Variants in LHFPL3 observed in about 807,000 individuals in gnomAD.
The protein encoded by LHFPL3 is LHFPL tetraspan subfamily member 3, also known as LHFPL tetraspan subfamily member 3 protein.
In LHFPL3, 5 loss-of-function variants were observed where a neutral mutation model predicts 19.3. That is an observed-to-expected ratio of 0.26 (90% CI 0.14 to 0.54). LHFPL3 has a LOEUF of 0.54. Ranked by LOEUF, LHFPL3 falls within the 20% of genes least tolerant of loss-of-function variation. LHFPL3 has a pLI of 0.94. For missense variants in LHFPL3, 249 were observed against 307.4 expected, an observed-to-expected ratio of 0.81 and a Z score of 1.42; for synonymous variants, 133 against 126.2, an observed-to-expected ratio of 1.05 and a Z score of -0.36.
chr7:104,563,356 C>G lies in LHFPL3; in HGVS notation c.446-173319C>G, dbSNP rs574623522. Reference sequence around the variant, plus strand: ...GAGACTCCGTGGGCGTAGGACCCTCCGAGCCAGGTGCGGGATATAATCTCG... The same window carrying G: ...GAGACTCCGTGGGCGTAGGACCCTCGGAGCCAGGTGCGGGATATAATCTCG... On this transcript the variant is annotated intron_variant, in intron 1 of 2. Coordinates refer to ENST00000424859, the MANE Select transcript of LHFPL3 (RefSeq NM_199000.3). 4.0e-3 allele frequency among the ~76,000 whole-genome samples: 608 copies of G among 151,538 alleles called. No individual in the cohort carries two copies. In the East Asian group the frequency reaches 0.044, roughly 11 times the overall value.
At chr7:104,419,840 G>T (rs1453398107) in intron 1 of LHFPL3, among the ~76,000 whole-genome samples, 1 of 152,154 alleles carries the variant, frequency 6.6e-6, no homozygotes, top group Admixed American at 6.5e-5. Flanking sequence ...CACAGAGGTG[G>T]CAGTGTTCTC....
chr7:104,567,575 T>C (rs1383983720), intron 1 of LHFPL3, among the ~76,000 whole-genome samples: 1 of 152,234 alleles, frequency 6.6e-6, no homozygotes, highest in Admixed American at 6.5e-5. Flanking sequence ...TCACAAGATA[T>C]GTTTATCCAT....
intron 2 of LHFPL3, among the ~76,000 whole-genome samples, chr7:104,828,092 G>A (rs567204605): frequency 2.6e-5 from 4 of 152,048 alleles, no homozygotes; most frequent in African/African-American, 7.3e-5. Context: ...CAAACCAAGA[G>A]GAAACAGAGA....
chr7:104,553,585 G>A (rs761688123), intron 1 of LHFPL3, among the ~76,000 whole-genome samples: 1 of 152,112 alleles, frequency 6.6e-6, no homozygotes, highest in Non-Finnish European at 1.5e-5. Flanking sequence ...AATCTAAAAT[G>A]CAAGCAGTTT....
chr7:104,790,547 C>A (rs968153136), intron 2 of LHFPL3, among the ~76,000 whole-genome samples: 15 of 152,162 alleles, frequency 9.9e-5, no homozygotes, highest in African/African-American at 3.6e-4. Flanking sequence ...AGAGTATAAA[C>A]CACCTAGGTA....
intron 1 of LHFPL3, among the ~76,000 whole-genome samples, chr7:104,468,696 T>A (rs1041649259): frequency 6.7e-6 from 1 of 150,090 alleles, no homozygotes; most frequent in South Asian, 2.1e-4. Flanking sequence ...TCTTGCTCCG[T>A]CATCCAGGCT....
At chr7:104,559,849 C>T (rs1182763857) in intron 1 of LHFPL3, among the ~76,000 whole-genome samples, 6 of 144,752 alleles carry the variant, frequency 4.1e-5, no homozygotes, top group South Asian at 2.1e-4. Context: ...TTTTGAAATA[C>T]GTCCCATCAA....
chr7:104,718,542 C>T (rs1793433662), intron 1 of LHFPL3, among the ~76,000 whole-genome samples: 1 of 152,140 alleles, frequency 6.6e-6, no homozygotes, highest in South Asian at 2.1e-4. Context: ...AGTGACTTTC[C>T]CTCAGCATCG....
chr7:104,837,722 C>T (rs181482688), intron 2 of LHFPL3, among the ~76,000 whole-genome samples: 4 of 152,248 alleles, frequency 2.6e-5, no homozygotes, highest in Non-Finnish European at 4.4e-5. Flanking sequence ...GCACCCATCA[C>T]CTGGGCAGTA....
At chr7:104,899,208 A>G (rs1419489410) in intron 2 of LHFPL3, among the ~76,000 whole-genome samples, 1 of 152,034 alleles carries the variant, frequency 6.6e-6, no homozygotes, top group African/African-American at 2.4e-5. Flanking sequence ...AATCTTCATG[A>G]CAGGTTGGAA....
At chr7:104,756,657 A>C (rs927077210) in intron 2 of LHFPL3, among the ~76,000 whole-genome samples, 9 of 151,964 alleles carry the variant, frequency 5.9e-5, no homozygotes, top group African/African-American at 2.2e-4. Context: ...GCTCCACCAC[A>C]CCTGGCTAAT....
At chr7:104,383,863 G>A (rs1790881813) in intron 1 of LHFPL3, among the ~76,000 whole-genome samples, 1 of 152,136 alleles carries the variant, frequency 6.6e-6, no homozygotes, top group South Asian at 2.1e-4. Context: ...TGTCAATGGA[G>A]CTTGCTTCTT....
chr7:104,585,331 C>T (rs1230238037), intron 1 of LHFPL3, among the ~76,000 whole-genome samples: 1 of 152,056 alleles, frequency 6.6e-6, no homozygotes, highest in African/African-American at 2.4e-5. Context: ...TTGACATTTA[C>T]CATAAGCAAG....
intron 1 of LHFPL3, among the ~76,000 whole-genome samples, chr7:104,629,553 C>G (rs752372567): frequency 6.6e-5 from 10 of 152,202 alleles, no homozygotes; most frequent in Non-Finnish European, 1.5e-4. Context: ...AGCTGGTTAG[C>G]AGGCCTTCTG....
In LHFPL3 at chr7:104,761,033, G is replaced by T. The variant is rs115961300; in HGVS notation, c.682+24122G>T. ...TAACTGGACAGGAGCAGGTCAAACTGATATCAGCATGAAAAATGGAAAAGT... is the reference window on the plus strand; with the variant it reads ...TAACTGGACAGGAGCAGGTCAAACTTATATCAGCATGAAAAATGGAAAAGT... On this transcript the variant is annotated intron_variant, in intron 2 of 2. Coordinates refer to ENST00000424859, the MANE Select transcript of LHFPL3 (RefSeq NM_199000.3). Among the ~76,000 whole-genome samples the T allele has an allele frequency of 1.4e-3, 215 of 152,024 alleles. 1 individual carries two copies. Among genetic ancestry groups the T allele is most frequent in the African/African-American group, 4.6e-3 (191 of 41,456 alleles).
At position 104,424,755 on chromosome 7, in the gene LHFPL3, G is replaced by A. The variant is rs537745576; in HGVS notation, c.445+95531G>A. 5.9e-5 allele frequency among the ~76,000 whole-genome samples: 9 copies of A among 152,192 alleles called. No homozygotes were observed. The East Asian group carries it at 1.7e-3, about 29-fold the overall frequency. ...GCCTGTAATCCCAGCACTTTGGGAGGCCAAGGCAGGCAGATCACGAGGTCA... is the reference window on the plus strand; with the variant it reads ...GCCTGTAATCCCAGCACTTTGGGAGACCAAGGCAGGCAGATCACGAGGTCA... On this transcript the variant is annotated intron_variant, in intron 1 of 2. Transcript: ENST00000424859.
intron 1 of LHFPL3, among the ~76,000 whole-genome samples, chr7:104,497,527 T>G (rs115354968): frequency 6.3e-4 from 96 of 152,174 alleles, no homozygotes; most frequent in African/African-American, 2.3e-3. Flanking sequence ...TCTGCCACTT[T>G]CAGTAAACAG....
chr7:104,742,387 C>A (rs571863953), intron 2 of LHFPL3, among the ~76,000 whole-genome samples: 1 of 152,208 alleles, frequency 6.6e-6, no homozygotes, highest in Non-Finnish European at 1.5e-5. Flanking sequence ...TGACTCCAGC[C>A]ACCATTTATA....
chr7:104,499,393 C>T (rs1002417867), intron 1 of LHFPL3, among the ~76,000 whole-genome samples: 3 of 152,208 alleles, frequency 2.0e-5, no homozygotes, highest in Non-Finnish European at 4.4e-5. Flanking sequence ...GCATTGTTTA[C>T]ATTTTTGTTA....
Sources: allele counts gnomAD v4.1 joint callset (sites outside exome capture counted in the v4.1 genomes callset), GRCh38; gene constraint gnomAD v4.1.1; transcripts MANE v1.5; gene names NCBI Gene and HGNC (gene_info 2026-07-23, HGNC 2026-07-21).